GRHL3: variants seen among roughly 807,000 people sequenced by gnomAD.
GRHL3 encodes the protein grainyhead like transcription factor 3.
Under a neutral mutation model 70.3 loss-of-function variants are expected in GRHL3, and 20 were observed. The observed-to-expected ratio is 0.28, with a 90% confidence interval of 0.20 to 0.41. The LOEUF (loss-of-function observed/expected upper bound fraction) is 0.41. Among genes scored for constraint, GRHL3 ranks in the 10% least tolerant of loss-of-function variants. The pLI, the probability that GRHL3 is intolerant of heterozygous loss-of-function variation, is 1.00. For missense variants in GRHL3, 637 were observed against 762.3 expected (o/e 0.84, Z 1.94); for synonymous variants, 299 against 299.9 (o/e 1.00, Z 0.03).
rs145921956 is a variant in GRHL3, at chr1:24,352,015, C to T, written c.1694+1893C>T. Among the ~76,000 whole-genome samples, 363 of 152,254 alleles carry T rather than the reference C, an allele frequency of 2.4e-3. 3 individuals carry two copies. Among genetic ancestry groups the T allele is most frequent in the African/African-American group, 8.0e-3 (332 of 41,548 alleles). On this transcript the variant is annotated intron_variant, in intron 15 of 15. Transcript: ENST00000361548. ...CTCCTGCTTGTTCCTCTAATCACTACGCAATGTGCAAATAAAGGATGCAGC... is the reference window on the plus strand; with the variant it reads ...CTCCTGCTTGTTCCTCTAATCACTATGCAATGTGCAAATAAAGGATGCAGC...
chr1:24,344,893 G>A lies in GRHL3; in HGVS notation c.1420-4G>A. 6.2e-7 allele frequency: 1 copy of A among 1,613,606 alleles called. No individual in the cohort carries two copies. Reference sequence around the variant, plus strand: ...TGGAAAATGTCTTTTTCACTTCATTGCAGGCAGCCCCCTCGGCAGGACCCA... The same window carrying A: ...TGGAAAATGTCTTTTTCACTTCATTACAGGCAGCCCCCTCGGCAGGACCCA... On this transcript the variant is annotated splice_polypyrimidine_tract_variant and splice_region_variant and intron_variant, in intron 11 of 15. Coordinates refer to ENST00000361548, the MANE Select transcript of GRHL3 (RefSeq NM_198173.3).
At chr1:24,320,457 G>A (rs753104849) in intron 1 of GRHL3, among the ~76,000 whole-genome samples, 1 of 152,186 alleles carries the variant, frequency 6.6e-6, no homozygotes, top group African/African-American at 2.4e-5. Context: ...GTAGGGTGAG[G>A]CTGGGATCTG....
chr1:24,344,423 C>T (rs1395924949), intron 11 of GRHL3, among the ~76,000 whole-genome samples: 1 of 133,576 alleles, frequency 7.5e-6, no homozygotes, highest in Non-Finnish European at 1.5e-5. Context: ...CCCAGGAGGT[C>T]GAGGCTGCAG....
At chr1:24,361,164 G>C in intron 15 of GRHL3, 1 of 816,578 alleles carries the variant, frequency 1.2e-6, no homozygotes, top group Non-Finnish European at 1.8e-6. Context: ...TCACGGCACT[G>C]GGGCAGAGCC....
Position 24,350,130 on chromosome 1 carries a change from C to T in GRHL3, c.1694+8C>T. The stretch of plus-strand genomic sequence containing the variant: ...CAAGAAATGCAAGCGAGGGTGAGTG[C>T]CTAGTTCACCCTCCCCCAGCTGGTT... On this transcript the variant is annotated splice_region_variant and intron_variant, in intron 15 of 15. Transcript: ENST00000361548. The T allele has an allele frequency of 1.9e-6, 3 of 1,608,132 alleles. No homozygotes were observed. Among genetic ancestry groups the T allele is most frequent in the Non-Finnish European group, 2.6e-6 (3 of 1,175,156 alleles).
chr1:24,352,266 G>T (rs1358986707), intron 15 of GRHL3, among the ~76,000 whole-genome samples: 1 of 152,130 alleles, frequency 6.6e-6, no homozygotes. Flanking sequence ...CTGATCAAAG[G>T]CCTGGTTTAT....
In GRHL3 at chr1:24,331,577, G is replaced by A; in HGVS notation, c.169G>A (p.Val57Ile). 4 of 1,613,980 alleles carry A rather than the reference G, an allele frequency of 2.5e-6. No individual in the cohort carries two copies. Among genetic ancestry groups the A allele is most frequent in the African/African-American group, 2.7e-5 (2 of 75,048 alleles). ...MMRVNGDDDS[V>I]AALSFLYDYY... ...GAGAGTCAATGGAGATGATGACAGT[G>A]TTGCGGCCTTGAGCTTCCTCTATGA... Residue 57 changes from valine to isoleucine, a missense_variant, in exon 2 of 16, where the codon GTT (valine) becomes ATT (isoleucine). Val to Ile is a conservative substitution (Grantham distance 29). Transcript: ENST00000361548.
At chr1:24,323,391 T>C (rs1355836228) in intron 1 of GRHL3, among the ~76,000 whole-genome samples, 2 of 152,272 alleles carry the variant, frequency 1.3e-5, no homozygotes, top group Middle Eastern at 3.4e-3. Flanking sequence ...TTCTGATGCG[T>C]GTCCAAGTTG....
chr1:24,330,774 C>T (rs1639573228), intron 1 of GRHL3, among the ~76,000 whole-genome samples: 1 of 152,230 alleles, frequency 6.6e-6, no homozygotes, highest in South Asian at 2.1e-4. Flanking sequence ...TTTGTCCAAG[C>T]TTCTCAGCAC....
chr1:24,331,633 C>T, intron 2 of GRHL3, 21 bp downstream of exon 2: 1 of 1,597,780 alleles, frequency 6.3e-7, no homozygotes. Context: ...CCCCTCTGGA[C>T]ATGCCCCGTT....
Position 24,322,928 on chromosome 1 carries a change from G to T in GRHL3, c.17+3360G>T. 1.6e-6 allele frequency: 1 copy of T among 633,708 alleles called. No homozygotes were observed. Among genetic ancestry groups the T allele is most frequent in the East Asian group, 2.7e-5 (1 of 36,374 alleles). The allele number at this position is 633,708 out of a possible 1,614,324, so 39.3% of individuals were successfully genotyped here. Reference sequence around the variant, plus strand: ...TTTGCCGAAGAGGGGACCCAGACCTGGTTCAGGCTTGCCCAAGGTCTCACG... The same window carrying T: ...TTTGCCGAAGAGGGGACCCAGACCTTGTTCAGGCTTGCCCAAGGTCTCACG... On this transcript the variant is annotated intron_variant, in intron 1 of 15. Coordinates refer to ENST00000361548, the MANE Select transcript of GRHL3 (RefSeq NM_198173.3). This position sits in a 1 kb window ranked among gnomAD's most constrained non-coding sequence, Gnocchi z 4.4.
intron 15 of GRHL3, among the ~76,000 whole-genome samples, chr1:24,351,782 C>T (rs4648860): frequency 0.26 from 39,987 of 152,060 alleles, 6,723 homozygotes; most frequent in African/African-American, 0.48. Context: ...TAAAACCTTC[C>T]ATTTATGGGG....
At chr1:24,344,079 G>T (rs1429025156) in intron 11 of GRHL3, among the ~76,000 whole-genome samples, 1 of 152,178 alleles carries the variant, frequency 6.6e-6, no homozygotes, top group African/African-American at 2.4e-5. Context: ...CAGGGTGAAG[G>T]CCCCTGTGGC....
At chr1:24,339,236 G>C (rs185292666) in intron 7 of GRHL3, among the ~76,000 whole-genome samples, 33 of 152,064 alleles carry the variant, frequency 2.2e-4, no homozygotes, top group Middle Eastern at 6.8e-3. Context: ...GTGGTTCTTG[G>C]GGGAGAGAAT....
At chr1:24,352,221 C>T (rs1040274300) in intron 15 of GRHL3, among the ~76,000 whole-genome samples, 3 of 152,180 alleles carry the variant, frequency 2.0e-5, no homozygotes, top group Admixed American at 6.6e-5. Flanking sequence ...CATCTTCTGC[C>T]TCCCTCTGAG....
chr1:24,354,472 T>C lies in GRHL3; in HGVS notation c.1793T>C (p.Ile598Thr), dbSNP rs1005489853. Residue 598 changes from isoleucine to threonine, a missense_variant, in exon 16 of 16, where the codon ATC (isoleucine) becomes ACC (threonine). Physicochemically the swap from Ile to Thr is moderately conservative, Grantham distance 89 (BLOSUM62 -1). This residue lies in a region of GRHL3 where 387 missense variants were observed against 513.8 expected (regional missense o/e 0.75). Coordinates refer to ENST00000361548, the MANE Select transcript of GRHL3 (RefSeq NM_198173.3). ...GAGCTGGACGGCAAAATTCAGATCA[T>C]CCTTAAGGAGCTGTAAGGCCTCTCG... ...MGELDGKIQI[I>T]LKEL is the part of the protein sequence containing the mutation. 1.1e-5 allele frequency: 17 copies of C among 1,612,346 alleles called. No individual in the cohort carries two copies. Among genetic ancestry groups the C allele is most frequent in the Non-Finnish European group, 1.4e-5 (17 of 1,178,754 alleles).
In GRHL3 at chr1:24,319,542, G is replaced by A; in HGVS notation, c.-10G>A. 1.9e-6 allele frequency: 3 copies of A among 1,613,674 alleles called. No homozygotes were observed. Among genetic ancestry groups the A allele is most frequent in the Non-Finnish European group, 2.5e-6 (3 of 1,179,640 alleles). On this transcript the variant is annotated 5_prime_UTR_variant, in exon 1 of 16. Coordinates refer to ENST00000361548, the MANE Select transcript of GRHL3 (RefSeq NM_198173.3). The stretch of plus-strand genomic sequence containing the variant: ...CTCAGTGCTGATCGTCGGAGCTTGG[G>A]AGCAGGAAGATGTCGAATGAACTTG...
chr1:24,348,600 CT>C, intron 14 of GRHL3, among the ~76,000 whole-genome samples: 1 of 152,364 alleles, frequency 6.6e-6, no homozygotes, highest in East Asian at 1.9e-4. Flanking sequence ...TCCAGCAGCG[CT>C]TCCAAGCTGG....
At chr1:24,328,470 G>C (rs1639475101) in intron 1 of GRHL3, among the ~76,000 whole-genome samples, 1 of 152,240 alleles carries the variant, frequency 6.6e-6, no homozygotes, top group Admixed American at 6.5e-5. Context: ...AGATAGATTG[G>C]AGACCTTATA....
Sources: allele counts gnomAD v4.1 joint callset (sites outside exome capture counted in the v4.1 genomes callset), GRCh38; gene constraint gnomAD v4.1.1; regional missense constraint gnomAD v4.1.1; non-coding constraint Gnocchi (gnomAD v3.1); transcripts MANE v1.5; gene names NCBI Gene and HGNC (gene_info 2026-07-23, HGNC 2026-07-21).